SARS1: variants seen among roughly 807,000 people sequenced by gnomAD.
SARS1 encodes seryl-tRNA synthetase 1, also known as serine--tRNA ligase, cytoplasmic.
SARS1 carries 25 observed loss-of-function variants against 63.7 expected under a neutral mutation model. That is an observed-to-expected ratio of 0.39 (90% CI 0.29 to 0.55). The LOEUF (loss-of-function observed/expected upper bound fraction) is 0.55, where lower values mean the gene tolerates loss of function less well. SARS1 is among the 20% of genes least tolerant of loss of function. The probability of loss-of-function intolerance (pLI) is 0.62; values close to 1 mark genes in which losing one functional copy is unlikely to be tolerated. For synonymous variants in SARS1, 231 were observed against 243.5 expected, an observed-to-expected ratio of 0.95 and a Z score of 0.48; for missense variants, 417 against 649.7, an observed-to-expected ratio of 0.64 and a Z score of 3.89.
Position 109,229,536 on chromosome 1 carries a change from C to T in SARS1, c.411C>T (p.Asn137=). 2.5e-6 allele frequency: 4 copies of T among 1,614,142 alleles called. No individual in the cohort carries two copies. The South Asian group carries it at 3.3e-5, about 13-fold the overall frequency. ...TTGAGAACCTCCGAGAGATTGGGAA[C>T]CTTCTGCACCCTTCTGTACCCATCA... The part of the protein sequence containing the change: ...ERFENLREIG[N]LLHPSVPISN... Residue 137 remains asparagine, a synonymous_variant, in exon 4 of 11, where the codon AAC becomes AAT. Coordinates refer to ENST00000234677, the MANE Select transcript of SARS1 (RefSeq NM_006513.4).
chr1:109,220,882 G>A (rs1654910880), intron 1 of SARS1, among the ~76,000 whole-genome samples: 1 of 151,724 alleles, frequency 6.6e-6, no homozygotes, highest in Non-Finnish European at 1.5e-5. Flanking sequence ...TTACATTTAG[G>A]TATAAGATAT....
intron 9 of SARS1, chr1:109,236,789 TTTTTC>T (rs1379853397): frequency 6.3e-7 from 1 of 1,581,838 alleles, no homozygotes; most frequent in South Asian, 1.2e-5. Flanking sequence ...TCTGGCTTTG[TTTTTC>T]TTAACTCCAG....
intron 1 of SARS1, chr1:109,215,688 T>C (rs1173589651): frequency 1.1e-6 from 1 of 936,996 alleles, no homozygotes. Context: ...AAATGTGAAG[T>C]CATTTCTTTT....
At chr1:109,236,621 G>C (rs1655317627) in intron 9 of SARS1, 73 bp downstream of exon 9, 7 of 1,550,118 alleles carry the variant, frequency 4.5e-6, no homozygotes, top group Non-Finnish European at 6.1e-6. Context: ...CTCAGCCTTT[G>C]GGGTGCACTG....
chr1:109,224,700 GA>G (rs1341973943), intron 2 of SARS1, among the ~76,000 whole-genome samples: 1 of 152,116 alleles, frequency 6.6e-6, no homozygotes, highest in African/African-American at 2.4e-5. Context: ...TCCTATGCCT[GA>G]AAAATACTAT....
rs1655337944 is a variant in SARS1 at position 109,237,473 on chromosome 1, A to G, written c.1387+100A>G. On this transcript the variant is annotated intron_variant, in intron 10 of 10. Coordinates refer to ENST00000234677, the MANE Select transcript of SARS1 (RefSeq NM_006513.4). This position sits in a 1 kb window ranked among gnomAD's most constrained non-coding sequence, Gnocchi z 4.1. ...GGATATACCAGGTTTTTTTGTTCAG[A>G]CACAGCCCCTGAAACTCTGTCTGCC... The G allele has an allele frequency of 6.5e-7, 1 of 1,540,122 alleles. No individual in the cohort carries two copies. The highest frequency in any genetic ancestry group is 8.9e-7 in the Non-Finnish European group (1 of 1,127,316).
chr1:109,218,341 TG>T (rs1654841874), intron 1 of SARS1, among the ~76,000 whole-genome samples: 1 of 137,228 alleles, frequency 7.3e-6, no homozygotes, highest in South Asian at 2.3e-4. Flanking sequence ...CACTCCAGCC[TG>T]GGGGACAAGG....
chr1:109,218,914 A>T (rs1452842021), intron 1 of SARS1, among the ~76,000 whole-genome samples: 2 of 152,158 alleles, frequency 1.3e-5, no homozygotes, highest in African/African-American at 4.8e-5. Flanking sequence ...CACAAATCTT[A>T]GTGTACAGGT....
chr1:109,226,131 C>T (rs1345943302), intron 2 of SARS1, among the ~76,000 whole-genome samples: 1 of 148,362 alleles, frequency 6.7e-6, no homozygotes, highest in African/African-American at 2.5e-5. Flanking sequence ...TAGCATGCCA[C>T]CACACTCGGC....
chr1:109,218,458 C>A (rs1654845467), intron 1 of SARS1, among the ~76,000 whole-genome samples: 1 of 138,818 alleles, frequency 7.2e-6, no homozygotes, highest in Admixed American at 7.5e-5. Flanking sequence ...GTATGTTTTA[C>A]ACTTAAAGCA....
rs898401888 is a variant in SARS1, at chr1:109,237,370, C to G, written c.1384C>G (p.Pro462Ala). 1 of 1,614,092 alleles carries G rather than the reference C, an allele frequency of 6.2e-7. No individual in the cohort carries two copies. The highest frequency in any genetic ancestry group is 8.5e-7 in the Non-Finnish European group (1 of 1,180,042). ...TGAGAAATTGAAGGAGTTCATGCCG[C>G]CAGGTAAAACTCCCAGCTCATCTCA... ...VPEKLKEFMP[P>A]GLQELIPFVK... Residue 462 changes from proline to alanine, a missense_variant, in exon 10 of 11, where the codon CCA becomes GCA. Physicochemically the swap from Pro to Ala is conservative, Grantham distance 27. Transcript: ENST00000234677. This position sits in a 1 kb window ranked among gnomAD's most constrained non-coding sequence, Gnocchi z 4.1.
At position 109,237,404 on chromosome 1, in the gene SARS1, C is replaced by T; in HGVS notation, c.1387+31C>T. 1.2e-6 allele frequency: 2 copies of T among 1,614,104 alleles called. No homozygotes were observed. The highest frequency in any genetic ancestry group is 1.7e-6 in the Non-Finnish European group (2 of 1,179,982). On this transcript the variant is annotated intron_variant, in intron 10 of 10. Coordinates refer to ENST00000234677, the MANE Select transcript of SARS1 (RefSeq NM_006513.4). The surrounding 1 kb of genome is among the most constrained non-coding windows in gnomAD (Gnocchi z 4.1). Reference sequence around the variant, plus strand: ...ACTCCCAGCTCATCTCATCGTTCTCCTCTTTTCTGTCTTCACACTCTTCTA... The same window carrying T: ...ACTCCCAGCTCATCTCATCGTTCTCTTCTTTTCTGTCTTCACACTCTTCTA...
chr1:109,233,568 TATAAC>T (rs1287748267), intron 6 of SARS1, among the ~76,000 whole-genome samples: 5 of 152,152 alleles, frequency 3.3e-5, no homozygotes, highest in Admixed American at 6.5e-5. Context: ...ATTGACCTAA[TATAAC>T]AATTGTCATC....
At chr1:109,217,289 AAATGT>A (rs1447613376) in intron 1 of SARS1, 7 of 292,766 alleles carry the variant, frequency 2.4e-5, no homozygotes, top group Non-Finnish European at 3.6e-5. Context: ...AGCCTACCTT[AAATGT>A]GCTCAGAACA....
intron 1 of SARS1, among the ~76,000 whole-genome samples, chr1:109,219,919 G>A (rs1303318169): frequency 1.3e-5 from 2 of 152,154 alleles, no homozygotes; most frequent in African/African-American, 4.8e-5. Flanking sequence ...ATGTAAATAT[G>A]CCAATCAATT....
At chr1:109,220,101 ATG>A (rs1654897115) in intron 1 of SARS1, among the ~76,000 whole-genome samples, 2 of 152,248 alleles carry the variant, frequency 1.3e-5, no homozygotes, top group African/African-American at 4.8e-5. Flanking sequence ...TATGAATACA[ATG>A]TGGAATAATA....
intron 3 of SARS1, 96 bp from the exon 4 acceptor site, chr1:109,229,318 T>A: frequency 7.9e-7 from 1 of 1,262,016 alleles, no homozygotes; most frequent in Middle Eastern, 1.9e-4. Flanking sequence ...ACAAGGGCTA[T>A]CTTTAGAGCA....
chr1:109,231,171 G>A (rs556984490), intron 5 of SARS1, 150 bp downstream of exon 5: 12 of 392,728 alleles, frequency 3.1e-5, no homozygotes, highest in Non-Finnish European at 4.9e-5. Flanking sequence ...AAATGTATTG[G>A]CAATTAGATG....
Position 109,235,312 on chromosome 1 carries a change from T to C in SARS1, c.850T>C (p.Trp284Arg). 6.2e-7 allele frequency: 1 copy of C among 1,613,780 alleles called. No homozygotes were observed. Among genetic ancestry groups the C allele is most frequent in the Non-Finnish European group, 8.5e-7 (1 of 1,179,976 alleles). Residue 284 changes from tryptophan to arginine, a missense_variant, in exon 7 of 11, where the codon TGG (tryptophan) becomes CGG (arginine). Physicochemically the swap from Trp to Arg is moderately radical, Grantham distance 101. Around this residue, in one of 3 missense-constraint regions of SARS1, gnomAD observed 359 missense variants for 529.6 expected, o/e 0.68. Transcript: ENST00000234677. This position sits in a 1 kb window ranked among gnomAD's most constrained non-coding sequence, Gnocchi z 4.7. ...QPIAALHRDE[W>R]LRPEDLPIKY... ...CATTGCTGCCCTGCACCGGGATGAGTGGCTCCGGCCGGAGGACCTGCCCAT... is the reference window on the plus strand; with the variant it reads ...CATTGCTGCCCTGCACCGGGATGAGCGGCTCCGGCCGGAGGACCTGCCCAT...
Sources: allele counts gnomAD v4.1 joint callset (sites outside exome capture counted in the v4.1 genomes callset), GRCh38; gene constraint gnomAD v4.1.1; regional missense constraint gnomAD v4.1.1; non-coding constraint Gnocchi (gnomAD v3.1); transcripts MANE v1.5; gene names NCBI Gene and HGNC (gene_info 2026-07-23, HGNC 2026-07-21).